RANBP2: variants seen among roughly 807,000 people sequenced by gnomAD.
RANBP2 encodes the protein E3 SUMO-protein ligase RanBP2.
In RANBP2, 57 loss-of-function variants were observed where a neutral mutation model predicts 303.6. The observed-to-expected ratio is 0.19, with a 90% CI of 0.15 to 0.23. RANBP2 has a LOEUF of 0.23. RANBP2 is among the 10% of genes least tolerant of loss of function. The pLI is 1.00. For missense variants in RANBP2, 3,138 were observed against 3,780.8 expected (o/e 0.83, Z 4.46); for synonymous variants, 1,167 against 1,301.5 (o/e 0.90, Z 2.23).
At chr2:108,985,508 T>C in the RANBP2 span, among the ~76,000 whole-genome samples, 1,959 of 152,294 alleles carry the variant, frequency 0.013, 20 homozygotes, top group Middle Eastern at 0.024. Flanking sequence ...CTCTGTTTTC[T>C]CGGAAATGGA....
At chr2:109,315,548 A>C in the RANBP2 span, among the ~76,000 whole-genome samples, 2 of 152,216 alleles carry the variant, frequency 1.3e-5, no homozygotes, top group South Asian at 2.1e-4. Context: ...GGTGTAAGCA[A>C]AGGGGACCAT....
the RANBP2 span, among the ~76,000 whole-genome samples, chr2:108,803,560 C>T: frequency 1.3e-5 from 2 of 152,328 alleles, no homozygotes; most frequent in African/African-American, 2.4e-5. Context: ...CTCCCTCAGC[C>T]TCCTGAGTGC....
chr2:109,685,948 G>A, the RANBP2 span, among the ~76,000 whole-genome samples: 1 of 152,332 alleles, frequency 6.6e-6, no homozygotes, highest in Admixed American at 6.5e-5. Context: ...TCTAAACCAC[G>A]AGGGAAGATA....
At chr2:108,858,955 A>G in the RANBP2 span, among the ~76,000 whole-genome samples, 1 of 152,106 alleles carries the variant, frequency 6.6e-6, no homozygotes, top group Non-Finnish European at 1.5e-5. Flanking sequence ...CATCTTTGCT[A>G]TTTTGAATAC....
the RANBP2 span, among the ~76,000 whole-genome samples, chr2:109,703,553 T>C: frequency 1.3e-5 from 2 of 152,166 alleles, no homozygotes; most frequent in East Asian, 1.9e-4. Context: ...CTCATCCTTC[T>C]GAGTAGCTGG....
At chr2:109,411,889 A>G in the RANBP2 span, among the ~76,000 whole-genome samples, 1 of 152,296 alleles carries the variant, frequency 6.6e-6, no homozygotes, top group East Asian at 1.9e-4. Context: ...CTTTTGCCAT[A>G]TCAAGTGTCA....
chr2:109,149,111 T>C, the RANBP2 span, among the ~76,000 whole-genome samples: 1 of 152,154 alleles, frequency 6.6e-6, no homozygotes. Context: ...TTCTGGGCTC[T>C]GGGAAGGAGC....
intron 7 of RANBP2, among the ~76,000 whole-genome samples, chr2:108,743,107 T>G (rs1283169974): frequency 6.6e-6 from 1 of 152,130 alleles, no homozygotes; most frequent in Non-Finnish European, 1.5e-5. Flanking sequence ...TTATTTTTAA[T>G]GGAAACTTTA....
chr2:109,095,865 A>AT, the RANBP2 span, among the ~76,000 whole-genome samples: 1 of 152,184 alleles, frequency 6.6e-6, no homozygotes, highest in East Asian at 1.9e-4. Context: ...TTTTGAAAAT[A>AT]TTTTTATGTA....
chr2:109,297,304 G>T, the RANBP2 span, among the ~76,000 whole-genome samples: 72 of 152,238 alleles, frequency 4.7e-4, no homozygotes, highest in East Asian at 0.012. Flanking sequence ...ACTGACTTCT[G>T]CTTCCATCTT....
chr2:109,078,156 T>TATATATATAGC, the RANBP2 span, among the ~76,000 whole-genome samples: 401 of 113,334 alleles, frequency 3.5e-3, 16 homozygotes, highest in East Asian at 0.014. Context: ...ATATAGCATG[T>TATATATATAGC]ATATATATAT....
At chr2:109,486,318 C>A in the RANBP2 span, among the ~76,000 whole-genome samples, 1 of 152,138 alleles carries the variant, frequency 6.6e-6, no homozygotes, top group African/African-American at 2.4e-5. Flanking sequence ...TTTTGTGGAA[C>A]TCCCTGATTG....
At chr2:109,711,295 T>A in the RANBP2 span, among the ~76,000 whole-genome samples, 1 of 151,902 alleles carries the variant, frequency 6.6e-6, no homozygotes, top group Non-Finnish European at 1.5e-5. Flanking sequence ...AACGTCACCA[T>A]TTCCAAACCC....
At chr2:109,147,865 A>G in the RANBP2 span, among the ~76,000 whole-genome samples, 6 of 152,364 alleles carry the variant, frequency 3.9e-5, no homozygotes, top group African/African-American at 9.6e-5. Context: ...CCATATATAC[A>G]TATAAAGTTA....
chr2:108,827,371 G>T, the RANBP2 span, among the ~76,000 whole-genome samples: 1 of 152,036 alleles, frequency 6.6e-6, no homozygotes, highest in Non-Finnish European at 1.5e-5. Flanking sequence ...ATAAATAAAA[G>T]AGAAAATGTG....
the RANBP2 span, among the ~76,000 whole-genome samples, chr2:109,429,016 A>T: frequency 6.6e-6 from 1 of 152,296 alleles, no homozygotes; most frequent in South Asian, 2.1e-4. Context: ...GGCAGTCCTG[A>T]CAGGACTCAA....
chr2:108,901,908 A>C, the RANBP2 span, among the ~76,000 whole-genome samples: 9 of 152,256 alleles, frequency 5.9e-5, no homozygotes, highest in South Asian at 1.9e-3. Context: ...GTTCAAGACC[A>C]GTCTGGCCAA....
chr2:108,900,629 T>A, the RANBP2 span, among the ~76,000 whole-genome samples: 3 of 148,788 alleles, frequency 2.0e-5, no homozygotes, highest in African/African-American at 7.5e-5. Flanking sequence ...CTTGGTAGAG[T>A]AGACTTAAAA....
the RANBP2 span, among the ~76,000 whole-genome samples, chr2:108,979,313 C>T: frequency 3.9e-5 from 6 of 152,274 alleles, no homozygotes; most frequent in South Asian, 4.1e-4. Flanking sequence ...TTCCATTTGG[C>T]GAACCTCACT....
Sources: allele counts gnomAD v4.1 joint callset (sites outside exome capture counted in the v4.1 genomes callset), GRCh38; gene constraint gnomAD v4.1.1; transcripts MANE v1.5; gene names NCBI Gene and HGNC (gene_info 2026-07-23, HGNC 2026-07-21).